Variants in C9orf72 observed in about 807,000 individuals in gnomAD.
The protein encoded by C9orf72 is guanine nucleotide exchange factor C9orf72.
C9orf72 carries 44 observed loss-of-function variants against 51.6 expected under a neutral mutation model. That is an observed-to-expected ratio of 0.85 (90% CI 0.67 to 1.10). C9orf72 has a LOEUF of 1.10. Among genes scored for constraint, C9orf72 ranks in the 50% least tolerant of loss-of-function variants. The probability of loss-of-function intolerance (pLI) is 0.00; values close to 1 mark genes in which losing one functional copy is unlikely to be tolerated. For missense variants in C9orf72, 607 were observed against 570.6 expected (o/e 1.06, Z -0.65); for synonymous variants, 213 against 194.2 (o/e 1.10, Z -0.81).
chr9:27,558,996 C>T (rs1448427432), intron 6 of C9orf72: 1 of 153,668 alleles, frequency 6.5e-6, no homozygotes, highest in Admixed American at 6.5e-5. Flanking sequence ...TCCAGATCCT[C>T]CAAAAAGAAG....
chr9:27,563,182 T>C (rs1464423385), intron 3 of C9orf72, among the ~76,000 whole-genome samples: 1 of 152,102 alleles, frequency 6.6e-6, no homozygotes, highest in Non-Finnish European at 1.5e-5. Context: ...TCTACCCAAA[T>C]GCAAATCAAA....
chr9:27,573,154 G>A (rs570766153), intron 1 of C9orf72, among the ~76,000 whole-genome samples: 1 of 152,252 alleles, frequency 6.6e-6, no homozygotes, highest in South Asian at 2.1e-4. Flanking sequence ...GAGACAGCTC[G>A]GGTACTGAGG....
chr9:27,566,140 A>G (rs1050013969), intron 2 of C9orf72, among the ~76,000 whole-genome samples: 4 of 152,160 alleles, frequency 2.6e-5, no homozygotes, highest in Non-Finnish European at 5.9e-5. Flanking sequence ...TGAAATGTAA[A>G]TAGCATTATA....
intron 2 of C9orf72, among the ~76,000 whole-genome samples, chr9:27,565,926 T>C (rs1221446435): frequency 1.3e-5 from 2 of 152,162 alleles, no homozygotes; most frequent in African/African-American, 4.8e-5. Flanking sequence ...ATTCTCCTGA[T>C]TTTAAGAGTT....
intron 9 of C9orf72, among the ~76,000 whole-genome samples, chr9:27,549,002 G>A (rs1013610569): frequency 6.6e-6 from 1 of 151,986 alleles, no homozygotes; most frequent in South Asian, 2.1e-4. Context: ...ACGCTGCCAC[G>A]CCCAGCTAAT....
In C9orf72 at chr9:27,552,879, T is replaced by G. The variant is rs557267913; in HGVS notation, c.1092-2172A>C. ...CTGGATTTGGTTTGCTAGTATTTTG[T>G]TGAGGATTTTTGCATCTATATTCAT... On this transcript the variant is annotated intron_variant, in intron 8 of 10. Coordinates refer to ENST00000380003, the MANE Select transcript of C9orf72 (RefSeq NM_018325.5). Among the ~76,000 whole-genome samples, 34 of 152,258 alleles carry G rather than the reference T, an allele frequency of 2.2e-4. 1 individual carries two copies. Among genetic ancestry groups the G allele is most frequent in the African/African-American group, 8.2e-4 (34 of 41,560 alleles).
chr9:27,548,933 C>G (rs1172220178), intron 9 of C9orf72, among the ~76,000 whole-genome samples: 1 of 152,016 alleles, frequency 6.6e-6, no homozygotes, highest in Non-Finnish European at 1.5e-5. Context: ...CAACCTACAC[C>G]TCCTGGGTTC....
At chr9:27,571,817 A>G (rs887802977) in intron 1 of C9orf72, among the ~76,000 whole-genome samples, 1 of 152,130 alleles carries the variant, frequency 6.6e-6, no homozygotes, top group Non-Finnish European at 1.5e-5. Context: ...AGGATCCTAA[A>G]CCGTCCACTT....
At chr9:27,573,289 C>G (rs971176639) in intron 1 of C9orf72, 142 bp downstream of exon 1, 2 of 170,976 alleles carry the variant, frequency 1.2e-5, no homozygotes, top group Non-Finnish European at 2.5e-5. Flanking sequence ...GGCGAAAGCC[C>G]GACACCCAGC....
intron 3 of C9orf72, 150 bp downstream of exon 3, chr9:27,565,381 A>G (rs945249227): frequency 4.6e-5 from 19 of 412,114 alleles, no homozygotes; most frequent in Non-Finnish European, 8.7e-6. Context: ...AAGATATGGA[A>G]ATCTTCCTCC....
At chr9:27,548,488 A>T in intron 10 of C9orf72, 66 bp from the exon 11 acceptor site, 1 of 1,305,358 alleles carries the variant, frequency 7.7e-7, no homozygotes, top group Non-Finnish European at 1.1e-6. Flanking sequence ...GATATAGAAA[A>T]TGTACAAAGG....
intron 1 of C9orf72, among the ~76,000 whole-genome samples, chr9:27,567,874 C>T (rs1819503787): frequency 6.6e-6 from 1 of 152,002 alleles, no homozygotes; most frequent in African/African-American, 2.4e-5. Context: ...TTGCTGGTAA[C>T]CACCAGAAGC....
intron 7 of C9orf72, 58 bp from the exon 8 acceptor site, chr9:27,556,854 T>G: frequency 8.6e-7 from 1 of 1,165,100 alleles, no homozygotes; most frequent in South Asian, 1.3e-5. Context: ...GAATAATTGT[T>G]TTTTAATTTT....
At chr9:27,572,664 T>C (rs376627217) in intron 1 of C9orf72, among the ~76,000 whole-genome samples, 16 of 152,126 alleles carry the variant, frequency 1.1e-4, no homozygotes, top group African/African-American at 3.9e-4. Flanking sequence ...AGGACCTCCC[T>C]CCTGTTTCTG....
At chr9:27,563,414 C>T (rs1370523889) in intron 3 of C9orf72, among the ~76,000 whole-genome samples, 1 of 152,106 alleles carries the variant, frequency 6.6e-6, no homozygotes, top group Non-Finnish European at 1.5e-5. Context: ...GTTTTGTGAC[C>T]AACTTGGTTA....
At chr9:27,558,106 A>T (rs1587308656) in intron 7 of C9orf72, among the ~76,000 whole-genome samples, 1 of 150,396 alleles carries the variant, frequency 6.6e-6, no homozygotes, top group East Asian at 1.9e-4. Flanking sequence ...CATACATAGG[A>T]ATTGCTTAAA....
intron 7 of C9orf72, among the ~76,000 whole-genome samples, chr9:27,557,109 T>C (rs998920406): frequency 3.3e-5 from 5 of 152,106 alleles, no homozygotes; most frequent in African/African-American, 9.7e-5. Flanking sequence ...TAGAATCTGC[T>C]GTGAAAAAAG....
At chr9:27,552,109 T>G (rs965827428) in intron 8 of C9orf72, among the ~76,000 whole-genome samples, 3 of 152,192 alleles carry the variant, frequency 2.0e-5, no homozygotes, top group Non-Finnish European at 4.4e-5. Flanking sequence ...ATAGTTTGAC[T>G]TCTTCTCTTC....
chr9:27,561,093 A>G (rs1462485061), intron 5 of C9orf72: 2 of 219,682 alleles, frequency 9.1e-6, no homozygotes, highest in Non-Finnish European at 1.5e-5. Flanking sequence ...TTTACAGATG[A>G]GGAAATAGGT....
Sources: gnomAD v4.1 joint callset for allele counts (sites outside exome capture counted in the v4.1 genomes callset) on GRCh38, gnomAD v4.1.1 for gene constraint, MANE v1.5 for transcripts, NCBI Gene and HGNC (gene_info 2026-07-23, HGNC 2026-07-21) for gene names.